Variants in WDR18 observed in about 807,000 individuals in gnomAD.
WDR18 encodes WD repeat domain 18, also known as WD repeat-containing protein 18.
Under a neutral mutation model 49.6 loss-of-function variants are expected in WDR18, and 33 were observed. The observed-to-expected ratio is 0.67, with a 90% CI of 0.50 to 0.89. WDR18 has a LOEUF of 0.89. Among genes scored for constraint, WDR18 ranks in the 40% least tolerant of loss-of-function variants. WDR18 has a pLI of 0.00. For synonymous variants in WDR18, 315 were observed against 263.6 expected (o/e 1.19, Z -1.89); for missense variants, 653 against 593.6 (o/e 1.10, Z -1.04).
intron 2 of WDR18, among the ~76,000 whole-genome samples, chr19:988,502 C>G (rs1429460040): frequency 6.6e-6 from 1 of 152,236 alleles, no homozygotes; most frequent in Non-Finnish European, 1.5e-5. Flanking sequence ...TCCCCAGCCA[C>G]CCTGGGTTTT....
intron 2 of WDR18, among the ~76,000 whole-genome samples, chr19:988,367 C>T (rs2038498554): frequency 6.6e-6 from 1 of 152,302 alleles, no homozygotes; most frequent in South Asian, 2.1e-4. Flanking sequence ...CAGGGACCTC[C>T]CGGGAGGCAC....
chr19:991,830 C>G, intron 7 of WDR18, 125 bp from the exon 8 acceptor site: 1 of 952,804 alleles, frequency 1.0e-6, no homozygotes, highest in South Asian at 2.4e-5. Flanking sequence ...TGGCTGGGGG[C>G]GTGGACTGGC....
chr19:983,926 C>G (rs1244707343), upstream of WDR18, among the ~76,000 whole-genome samples: 5 of 152,164 alleles, frequency 3.3e-5, no homozygotes, highest in East Asian at 9.7e-4. Flanking sequence ...TCATCGCCAA[C>G]TAGCCATGTT....
At position 994,305 on chromosome 19, in the gene WDR18, C is replaced by T. The variant is rs757824206; in HGVS notation, c.1260C>T (p.Phe420=). The T allele has an allele frequency of 7.4e-6, 12 of 1,611,130 alleles. No individual in the cohort carries two copies. Among genetic ancestry groups the T allele is most frequent in the East Asian group, 2.2e-5 (1 of 44,846 alleles). The part of the protein sequence containing the change: ...RNLRKINRDL[F]DFSTRFITRP... Reference sequence around the variant, plus strand: ...TGCGCAAGATCAATCGGGACCTGTTCGACTTCTCCACGCGCTTCATCACGC... The same window carrying T: ...TGCGCAAGATCAATCGGGACCTGTTTGACTTCTCCACGCGCTTCATCACGC... The change falls in exon 10 of 10, where the codon TTC becomes TTT. Residue 420 remains phenylalanine, a synonymous_variant. Transcript: ENST00000585809.
At chr19:991,664 G>A (rs2038552923) in intron 7 of WDR18, among the ~76,000 whole-genome samples, 1 of 100,838 alleles carries the variant, frequency 9.9e-6, no homozygotes, top group South Asian at 3.4e-4. Flanking sequence ...TGTGGGGCGG[G>A]GCCTGGCTGG....
rs75812044 is a variant in WDR18 at position 984,890 on chromosome 19, G to A, written c.210+327G>A. ...CGAAATTTGATTAAAAGGGGCCTAT[G>A]AGCTCTGTGGATGTTGTGGTTCTGG... On this transcript the variant is annotated intron_variant, in intron 1 of 9. Transcript: ENST00000585809. 3.8e-3 allele frequency among the ~76,000 whole-genome samples: 580 copies of A among 152,278 alleles called. 5 individuals carry two copies. The highest frequency in any genetic ancestry group is 0.013 in the African/African-American group (552 of 41,554).
chr19:991,832 T>TGGCTGGGGGCGG lies in WDR18; in HGVS notation c.932-121_932-120insCTGGGGGCGGGG. On this transcript the variant is annotated intron_variant, in intron 7 of 9. Coordinates refer to ENST00000585809, the MANE Select transcript of WDR18 (RefSeq NM_024100.4). ...GTGGGGCGGGGCCTGGCTGGGGGCG[T>TGGCTGGGGGCGG]GGACTGGCTGTGGGGCGGGGACTGG... 3.2e-6 allele frequency: 3 copies of TGGCTGGGGGCGG among 931,790 alleles called. No individual in the cohort carries two copies. The South Asian group carries it at 7.9e-5, about 25-fold the overall frequency. The allele number at this position is 931,790 out of a possible 1,614,324, so 57.7% of individuals were successfully genotyped here. A position where few individuals can be genotyped will look rare whatever the true frequency, so the allele number is the denominator to read the frequency against.
At chr19:992,864 G>T (rs1276796014) in intron 8 of WDR18, among the ~76,000 whole-genome samples, 1 of 152,226 alleles carries the variant, frequency 6.6e-6, no homozygotes, top group African/African-American at 2.4e-5. Context: ...TGTGTCCCTC[G>T]CTGGGCTCTG....
intron 6 of WDR18, 33 bp from the exon 7 acceptor site, chr19:991,194 C>T (rs760500318): frequency 1.5e-6 from 2 of 1,344,180 alleles, no homozygotes; most frequent in Non-Finnish European, 2.0e-6. Context: ...TCCTGTCTGG[C>T]ACGTCCCAGG....
Position 993,921 on chromosome 19 carries a change from C to T in WDR18, c.1099-99C>T, listed in dbSNP as rs553972497. 5 of 1,385,634 alleles carry T rather than the reference C, an allele frequency of 3.6e-6. No homozygotes were observed. The African/African-American group carries it at 7.1e-5, about 20-fold the overall frequency. 85.8% of individuals were successfully genotyped at this position (1,385,634 alleles called of 1,614,324 possible). Reference sequence around the variant, plus strand: ...CTGTGGGCGTCACGGTGGCCCCTCCCTGGCTGAGTGGCTGCCCACGCTGGC... The same window carrying T: ...CTGTGGGCGTCACGGTGGCCCCTCCTTGGCTGAGTGGCTGCCCACGCTGGC... On this transcript the variant is annotated intron_variant, in intron 8 of 9. Coordinates refer to ENST00000585809, the MANE Select transcript of WDR18 (RefSeq NM_024100.4).
intron 1 of WDR18, among the ~76,000 whole-genome samples, chr19:985,078 T>C (rs2038461589): frequency 6.6e-6 from 1 of 152,036 alleles, no homozygotes; most frequent in African/African-American, 2.4e-5. Flanking sequence ...GCTACTCGCT[T>C]CCCCCGTGTG....
In WDR18 at chr19:987,829, G is replaced by GTTTTTTT. The variant is rs71174337; in HGVS notation, c.321+1871_321+1877dup. Among the ~76,000 whole-genome samples, 40 of 91,772 alleles carry GTTTTTTT rather than the reference G, an allele frequency of 4.4e-4. 2 individuals carry two copies. The South Asian group carries it at 4.5e-3, about 10-fold the overall frequency. 60.2% of individuals were successfully genotyped at this position (91,772 alleles called of 152,430 possible). On this transcript the variant is annotated intron_variant, in intron 2 of 9. Transcript: ENST00000585809. The stretch of plus-strand genomic sequence containing the variant: ...ACCCCTGCTCCCCTAGCCGCCTCCA[G>GTTTTTTT]TTTTTTTTTTTTTTTTTTTTTTTCA...
At position 993,872 on chromosome 19, in the gene WDR18, C is replaced by T. The variant is rs940417180; in HGVS notation, c.1099-148C>T. The T allele has an allele frequency of 1.4e-5, 12 of 865,178 alleles. No homozygotes were observed. The African/African-American group carries it at 1.9e-4, about 13-fold the overall frequency. The allele number at this position is 865,178 out of a possible 1,614,324, so 53.6% of individuals were successfully genotyped here. Reference sequence around the variant, plus strand: ...CTGCAGGCTCGACGGAGGTGAACGCCCCCGTCTCAGTCTTCCCTTCTGTCT... The same window carrying T: ...CTGCAGGCTCGACGGAGGTGAACGCTCCCGTCTCAGTCTTCCCTTCTGTCT... On this transcript the variant is annotated intron_variant, in intron 8 of 9. Coordinates refer to ENST00000585809, the MANE Select transcript of WDR18 (RefSeq NM_024100.4).
chr19:993,908 C>T lies in WDR18; in HGVS notation c.1099-112C>T, dbSNP rs374719508. 92 of 1,200,684 alleles carry T rather than the reference C, an allele frequency of 7.7e-5. No homozygotes were observed. The African/African-American group carries it at 8.5e-4, about 11-fold the overall frequency. 74.4% of individuals were successfully genotyped at this position (1,200,684 alleles called of 1,614,324 possible). On this transcript the variant is annotated intron_variant, in intron 8 of 9. Transcript: ENST00000585809. The stretch of plus-strand genomic sequence containing the variant: ...TCTTCCCTTCTGTCTGTGGGCGTCA[C>T]GGTGGCCCCTCCCTGGCTGAGTGGC...
chr19:992,518 G>C (rs376143036), intron 8 of WDR18, among the ~76,000 whole-genome samples: 2 of 152,242 alleles, frequency 1.3e-5, no homozygotes, highest in Non-Finnish European at 2.9e-5. Flanking sequence ...GGCAGGGAGC[G>C]GGTGGGGCCC....
At chr19:985,192 G>T (rs1289926069) in intron 1 of WDR18, among the ~76,000 whole-genome samples, 1 of 152,138 alleles carries the variant, frequency 6.6e-6, no homozygotes, top group Non-Finnish European at 1.5e-5. Context: ...TTGAGACAGG[G>T]TCTCACTCTG....
At position 990,837 on chromosome 19, in the gene WDR18, T is replaced by C; in HGVS notation, c.598-15T>C. 1 of 1,591,388 alleles carries C rather than the reference T, an allele frequency of 6.3e-7. No individual in the cohort carries two copies. ...CCCTGCCGGGCCGAGCCCCACGCCCTTTGCCCACCCGCAGCTATGGGAGGT... is the reference window on the plus strand; with the variant it reads ...CCCTGCCGGGCCGAGCCCCACGCCCCTTGCCCACCCGCAGCTATGGGAGGT... On this transcript the variant is annotated splice_polypyrimidine_tract_variant and intron_variant, in intron 4 of 9. Transcript: ENST00000585809.
At chr19:990,098 A>C in intron 3 of WDR18, 125 bp from the exon 4 acceptor site, 4 of 1,392,568 alleles carry the variant, frequency 2.9e-6, no homozygotes, top group Non-Finnish European at 3.8e-6. Flanking sequence ...CCTTGAGTTT[A>C]CTCAGGTGAG....
At chr19:986,218 G>A (rs1451694398) in intron 2 of WDR18, among the ~76,000 whole-genome samples, 2 of 152,164 alleles carry the variant, frequency 1.3e-5, no homozygotes, top group African/African-American at 2.4e-5. Flanking sequence ...CCCAGTCCCC[G>A]GCACTCACAC....
Sources: gnomAD v4.1 joint callset for allele counts (sites outside exome capture counted in the v4.1 genomes callset) on GRCh38, gnomAD v4.1.1 for gene constraint, MANE v1.5 for transcripts, NCBI Gene and HGNC (gene_info 2026-07-23, HGNC 2026-07-21) for gene names.